Variants in CSMD1 observed in about 807,000 individuals in gnomAD.
The protein encoded by CSMD1 is CUB and sushi domain-containing protein 1.
Under a neutral mutation model 417.5 loss-of-function variants are expected in CSMD1, and 213 were observed. That is an observed-to-expected ratio of 0.51 (90% CI 0.46 to 0.57). The LOEUF is 0.57. Ranked by LOEUF, CSMD1 falls within the 20% of genes least tolerant of loss-of-function variation. The probability of loss-of-function intolerance (pLI) is 0.00; values close to 1 mark genes in which losing one functional copy is unlikely to be tolerated. For missense variants in CSMD1, 6,923 were observed against 4,529.7 expected (o/e 1.53, Z -15.17); for synonymous variants, 2,862 against 1,736.8 (o/e 1.65, Z -16.11).
chr8:3,463,813 T>C (rs1237419645), intron 12 of CSMD1, among the ~76,000 whole-genome samples: 3 of 152,314 alleles, frequency 2.0e-5, no homozygotes, highest in Non-Finnish European at 2.9e-5. Flanking sequence ...CTGCCAAGAA[T>C]GGTAAAGATG....
intron 2 of CSMD1, among the ~76,000 whole-genome samples, chr8:4,555,514 T>G (rs1798050773): frequency 6.6e-6 from 1 of 152,278 alleles, no homozygotes; most frequent in African/African-American, 2.4e-5. Flanking sequence ...CACTTGGTTT[T>G]CTACTCTCCA....
At chr8:4,556,944 A>G (rs1186215153) in intron 2 of CSMD1, among the ~76,000 whole-genome samples, 2 of 152,252 alleles carry the variant, frequency 1.3e-5, no homozygotes, top group Non-Finnish European at 2.9e-5. Context: ...AGTGATATTC[A>G]ACCTGTATCT....
intron 3 of CSMD1, among the ~76,000 whole-genome samples, chr8:4,265,086 C>A (rs1385085118): frequency 6.6e-6 from 1 of 152,140 alleles, no homozygotes; most frequent in Non-Finnish European, 1.5e-5. Flanking sequence ...ATAGAATCAT[C>A]ATATTCAGAG....
intron 27 of CSMD1, among the ~76,000 whole-genome samples, chr8:3,227,329 A>AGGT (rs71199547): frequency 1 from 152,105 of 152,268 alleles, 75,973 homozygotes; most frequent in Middle Eastern, 1. Context: ...GGAACACGGA[A>AGGT]GGAGGTTGCA....
At chr8:4,706,019 A>G (rs1388036779) in intron 1 of CSMD1, among the ~76,000 whole-genome samples, 1 of 148,864 alleles carries the variant, frequency 6.7e-6, no homozygotes. Flanking sequence ...TTTTAAAAAT[A>G]AACAGTAATG....
intron 1 of CSMD1, among the ~76,000 whole-genome samples, chr8:4,822,301 T>G (rs945774281): frequency 6.6e-6 from 1 of 152,176 alleles, no homozygotes; most frequent in Non-Finnish European, 1.5e-5. Flanking sequence ...CAGATACCAC[T>G]GAAGCCTTGC....
intron 3 of CSMD1, among the ~76,000 whole-genome samples, chr8:4,150,876 T>C (rs953624516): frequency 1.6e-5 from 1 of 60,706 alleles, no homozygotes; most frequent in Non-Finnish European, 3.2e-5. Flanking sequence ...AAAAATGTCC[T>C]GCTGAGAAAC....
Position 4,604,300 on chromosome 8 carries a change from T to A in CSMD1, c.302+33042A>T, listed in dbSNP as rs558947629. On this transcript the variant is annotated intron_variant, in intron 2 of 69. Coordinates refer to ENST00000635120, the MANE Select transcript of CSMD1 (RefSeq NM_033225.6). ...TAGATATAAGACATTGGTGTCTATA[T>A]AACAGGAATATGCATTAAATGGTTA... Among the ~76,000 whole-genome samples the A allele has an allele frequency of 2.8e-3, 428 of 151,734 alleles. 2 individuals are homozygous for A. The highest frequency in any genetic ancestry group is 9.9e-3 in the African/African-American group (410 of 41,428).
intron 3 of CSMD1, among the ~76,000 whole-genome samples, chr8:4,277,313 A>C (rs1158781866): frequency 1.3e-5 from 2 of 152,142 alleles, no homozygotes; most frequent in Admixed American, 6.6e-5. Flanking sequence ...CACTGAAGGG[A>C]ACGGGACTGA....
chr8:4,351,267 C>T (rs531323985), intron 3 of CSMD1, among the ~76,000 whole-genome samples: 2 of 152,098 alleles, frequency 1.3e-5, no homozygotes, highest in Non-Finnish European at 2.9e-5. Flanking sequence ...AAGAAGTAAA[C>T]ATTAGAACGT....
At chr8:4,272,220 G>C (rs933092794) in intron 3 of CSMD1, among the ~76,000 whole-genome samples, 2 of 152,066 alleles carry the variant, frequency 1.3e-5, no homozygotes, top group Non-Finnish European at 2.9e-5. Flanking sequence ...TTATGGCTTA[G>C]TACTATAGTA....
intron 5 of CSMD1, among the ~76,000 whole-genome samples, chr8:3,793,603 T>C (rs996203681): frequency 6.6e-6 from 1 of 152,062 alleles, no homozygotes; most frequent in Non-Finnish European, 1.5e-5. Context: ...TCTCTTGCAG[T>C]AAACCTTCCC....
At chr8:3,913,344 G>A (rs17328881) in intron 5 of CSMD1, among the ~76,000 whole-genome samples, 10,417 of 152,038 alleles carry the variant, frequency 0.069, 440 homozygotes, top group South Asian at 0.14. Context: ...AGGCCAATCC[G>A]ATATCAGAAC....
intron 1 of CSMD1, among the ~76,000 whole-genome samples, chr8:4,645,527 T>C (rs1803465319): frequency 6.7e-6 from 1 of 149,692 alleles, no homozygotes; most frequent in South Asian, 2.1e-4. Flanking sequence ...ATTTGCTGCA[T>C]GGAGCATTAA....
intron 2 of CSMD1, among the ~76,000 whole-genome samples, chr8:4,583,138 A>C (rs10109495): frequency 2.0e-5 from 3 of 152,156 alleles, no homozygotes; most frequent in Non-Finnish European, 2.9e-5. Context: ...TGTGCGGCCC[A>C]AGCCTCCCCA....
At chr8:3,106,884 C>G in intron 45 of CSMD1, 2 of 350,636 alleles carry the variant, frequency 5.7e-6, no homozygotes, top group Non-Finnish European at 1.0e-5. Context: ...TCTTCCTTGA[C>G]TGAGGCATCC....
intron 18 of CSMD1, among the ~76,000 whole-genome samples, chr8:3,378,040 G>A (rs905586578): frequency 6.6e-5 from 10 of 152,154 alleles, no homozygotes; most frequent in African/African-American, 2.4e-4. Context: ...CTTGGAGGTT[G>A]AAAATGATTT....
intron 3 of CSMD1, among the ~76,000 whole-genome samples, chr8:4,275,066 C>G (rs1205385867): frequency 1.3e-5 from 2 of 152,076 alleles, no homozygotes; most frequent in Admixed American, 6.6e-5. Flanking sequence ...ATTCTTCTAA[C>G]AATGAGATTA....
chr8:3,800,699 G>C (rs1357231384), intron 5 of CSMD1, among the ~76,000 whole-genome samples: 1 of 152,140 alleles, frequency 6.6e-6, no homozygotes, highest in Admixed American at 6.6e-5. Flanking sequence ...GTGAGTTCTT[G>C]TTCTGACAAG....
Sources: gnomAD v4.1 joint callset for allele counts (sites outside exome capture counted in the v4.1 genomes callset) on GRCh38, gnomAD v4.1.1 for gene constraint, MANE v1.5 for transcripts, NCBI Gene and HGNC (gene_info 2026-07-23, HGNC 2026-07-21) for gene names.